LAMA3: variants seen among roughly 807,000 people sequenced by gnomAD.
LAMA3 encodes the protein laminin subunit alpha-3.
Under a neutral mutation model 402.0 loss-of-function variants are expected in LAMA3, and 281 were observed. That is an observed-to-expected ratio of 0.70 (90% CI 0.63 to 0.77). LAMA3 has a LOEUF of 0.77. Ranked by LOEUF, LAMA3 falls within the 30% of genes least tolerant of loss-of-function variation. The probability of loss-of-function intolerance (pLI) is 0.00; values close to 1 mark genes in which losing one functional copy is unlikely to be tolerated. For missense variants in LAMA3, 3,840 were observed against 4,215.5 expected (o/e 0.91, Z 2.47); for synonymous variants, 1,431 against 1,558.4 (o/e 0.92, Z 1.93).
chr18:23,751,824 T>C (rs895158117), intron 5 of LAMA3, among the ~76,000 whole-genome samples: 2 of 152,134 alleles, frequency 1.3e-5, no homozygotes, highest in African/African-American at 4.8e-5. Context: ...AATAAACACA[T>C]TGAGCTCACT....
rs1463156748 is a variant in LAMA3 at position 23,842,750 on chromosome 18, G to T, written c.3603G>T (p.Leu1201Phe). 23 of 1,614,150 alleles carry T rather than the reference G, an allele frequency of 1.4e-5. No homozygotes were observed. In the East Asian group the frequency reaches 5.1e-4, roughly 36 times the overall value. The change falls in exon 29 of 75, where the codon TTG (leucine) becomes TTT (phenylalanine). Residue 1201 changes from leucine (L) to phenylalanine (F), a missense_variant and splice_region_variant. Transcript: ENST00000313654. ...VKVPEGKSLV[L>F]VRVLVVPAEN... ...TTCCAGAAGGAAAGTCCTTGGTTTTGGTGCGTTCCACTCGTTCCTCAACTT... is the reference window on the plus strand; with the variant it reads ...TTCCAGAAGGAAAGTCCTTGGTTTTTGTGCGTTCCACTCGTTCCTCAACTT...
chr18:23,898,876 G>C, intron 45 of LAMA3, 28 bp downstream of exon 45: 1 of 1,568,114 alleles, frequency 6.4e-7, no homozygotes, highest in Non-Finnish European at 8.8e-7. Flanking sequence ...TTTAACTTTG[G>C]GGTTTTTTTG....
intron 50 of LAMA3, 138 bp from the exon 51 acceptor site, chr18:23,904,415 A>G (rs2081173248): frequency 9.3e-7 from 1 of 1,074,902 alleles, no homozygotes; most frequent in African/African-American, 1.6e-5. Flanking sequence ...CCATCTCTTT[A>G]TTTTATTTTG....
In LAMA3 at chr18:23,765,737, TAATA is replaced by T. The variant is rs532931464; in HGVS notation, c.1182+2219_1182+2222del. Reference sequence around the variant, plus strand: ...AATATAGTCACAATGAATGAAAAGATAATAAATATCAGTAGGGAAATAAAAACTG... The same window carrying T: ...AATATAGTCACAATGAATGAAAAGATAATATCAGTAGGGAAATAAAAACTG... On this transcript the variant is annotated intron_variant, in intron 8 of 74. Transcript: ENST00000313654. 7.4e-4 allele frequency among the ~76,000 whole-genome samples: 112 copies of T among 152,204 alleles called. 1 individual carries two copies. The highest frequency in any genetic ancestry group is 2.4e-3 in the African/African-American group (99 of 41,552).
intron 1 of LAMA3, among the ~76,000 whole-genome samples, chr18:23,703,323 G>T (rs571233826): frequency 2.6e-5 from 4 of 152,140 alleles, no homozygotes; most frequent in African/African-American, 7.2e-5. Flanking sequence ...CGTAAGATAG[G>T]CAGTATTAAC....
intron 12 of LAMA3, among the ~76,000 whole-genome samples, chr18:23,800,865 C>G (rs112270961): frequency 1.3e-5 from 2 of 152,126 alleles, no homozygotes; most frequent in African/African-American, 4.8e-5. Context: ...GGATTTCATT[C>G]ATTTTTATGG....
In LAMA3 at chr18:23,819,977, G is replaced by C; in HGVS notation, c.2284G>C (p.Ala762Pro). The C allele has an allele frequency of 6.2e-7, 1 of 1,614,140 alleles. No homozygotes were observed. The highest frequency in any genetic ancestry group is 1.7e-5 in the Admixed American group (1 of 60,022). ...TCCTGAGTTTAGCTGGAGAGGATAT[G>C]CCCAAATGACCTCAGTACAGGTACG... ...AFPEFSWRGYAQMTSVQNDVR... is the reference protein window; with the variant it reads ...AFPEFSWRGYPQMTSVQNDVR... The change falls in exon 19 of 75, where the codon GCC becomes CCC. Residue 762 changes from alanine (A) to proline (P), a missense_variant. Transcript: ENST00000313654.
chr18:23,789,917 A>G (rs539476707), intron 12 of LAMA3, among the ~76,000 whole-genome samples: 2 of 152,310 alleles, frequency 1.3e-5, no homozygotes, highest in South Asian at 4.1e-4. Flanking sequence ...CTCCCCAGAC[A>G]CTTGTCAGCC....
chr18:23,754,715 G>A (rs1355812765), intron 6 of LAMA3, among the ~76,000 whole-genome samples: 2 of 152,188 alleles, frequency 1.3e-5, no homozygotes, highest in Non-Finnish European at 2.9e-5. Context: ...AAATGTTGAG[G>A]TTCAGCCATA....
chr18:23,713,998 C>A lies in LAMA3; in HGVS notation c.373C>A (p.Arg125Ser), dbSNP rs199850975. 1.2e-6 allele frequency: 2 copies of A among 1,613,566 alleles called. No individual in the cohort carries two copies. Among genetic ancestry groups the A allele is most frequent in the East Asian group, 2.2e-5 (1 of 44,866 alleles). ...PVTNAIDGSERWWQSPPLSSG... is the reference protein window; with the variant it reads ...PVTNAIDGSESWWQSPPLSSG... The stretch of plus-strand genomic sequence containing the variant: ...CACCAATGCCATCGATGGATCTGAA[C>A]GTTGGTGGCAAAGCCCTCCCCTGTC... Residue 125 changes from arginine to serine, a missense_variant, in exon 2 of 75, where the codon CGT (arginine) becomes AGT (serine). Arg to Ser is a moderately radical substitution (Grantham distance 110). Transcript: ENST00000313654.
At chr18:23,761,690 C>A (rs1445549733) in intron 7 of LAMA3, among the ~76,000 whole-genome samples, 1 of 152,006 alleles carries the variant, frequency 6.6e-6, no homozygotes, top group African/African-American at 2.4e-5. Context: ...GTTTAATTGG[C>A]ATTTGGATGT....
intron 38 of LAMA3, chr18:23,873,353 C>T (rs2064596196): frequency 2.4e-6 from 2 of 829,540 alleles, no homozygotes; most frequent in Non-Finnish European, 4.2e-6. Context: ...CCTTGACTGG[C>T]AGTGTTTATT....
Position 23,861,689 on chromosome 18 carries a change from T to C in LAMA3, c.4466T>C (p.Val1489Ala). 6.2e-7 allele frequency: 1 copy of C among 1,614,052 alleles called. No homozygotes were observed. The highest frequency in any genetic ancestry group is 8.5e-7 in the Non-Finnish European group (1 of 1,179,982). Residue 1489 changes from valine to alanine, a missense_variant, in exon 35 of 75, where the codon GTG (valine) becomes GCG (alanine). Physicochemically the swap from Val to Ala is moderately conservative, Grantham distance 64. Coordinates refer to ENST00000313654, the MANE Select transcript of LAMA3 (RefSeq NM_198129.4). ...TGGCACCTGGAGACAGCAGACAGAG[T>C]GGACATCCCTGTCTCTTTCAACCCA... ...LGWHLETADR[V>A]DIPVSFNPGS...
At chr18:23,782,810 T>C (rs2062463218) in intron 11 of LAMA3, among the ~76,000 whole-genome samples, 1 of 151,764 alleles carries the variant, frequency 6.6e-6, no homozygotes, top group Non-Finnish European at 1.5e-5. Context: ...TTTTTTTTTT[T>C]TCATCTATAA....
chr18:23,886,854 T>C (rs1246035710), intron 41 of LAMA3, among the ~76,000 whole-genome samples: 1 of 152,046 alleles, frequency 6.6e-6, no homozygotes, highest in African/African-American at 2.4e-5. Flanking sequence ...AGCCAGAAGA[T>C]GGAAGTGGGA....
intron 64 of LAMA3, among the ~76,000 whole-genome samples, chr18:23,929,336 G>A (rs914110537): frequency 3.9e-5 from 6 of 152,244 alleles, no homozygotes; most frequent in Non-Finnish European, 5.9e-5. Context: ...GTGTGGTTAT[G>A]TAGATACAGA....
chr18:23,733,041 TG>T (rs1439076250), intron 2 of LAMA3, among the ~76,000 whole-genome samples: 2 of 152,058 alleles, frequency 1.3e-5, no homozygotes, highest in Non-Finnish European at 2.9e-5. Context: ...TTCCTCAAGC[TG>T]AAGAATCCCA....
In LAMA3 at chr18:23,763,514, T is replaced by C; in HGVS notation, c.1173T>C (p.Ile391=). The C allele has an allele frequency of 6.3e-7, 1 of 1,591,088 alleles. No homozygotes were observed. The highest frequency in any genetic ancestry group is 8.6e-7 in the Non-Finnish European group (1 of 1,159,040). The change falls in exon 8 of 75, where the codon ATT becomes ATC. Residue 391 remains isoleucine, a synonymous_variant. Transcript: ENST00000313654. ...QGIYAGGGVC[I]NCQHNTAGVN... is the part of the protein sequence containing the mutation. The stretch of plus-strand genomic sequence containing the variant: ...TCTATGCTGGTGGAGGGGTCTGCAT[T>C]AACTGTCAGGTGAGGCACTATTTAA...
chr18:23,871,393 G>A (rs1440546398), intron 37 of LAMA3, 38 bp from the exon 38 acceptor site: 5 of 1,579,138 alleles, frequency 3.2e-6, no homozygotes, highest in Non-Finnish European at 4.4e-6. Context: ...AAGTGAGCCT[G>A]CCTAAGGAAG....
Sources: gnomAD v4.1 joint callset for allele counts (sites outside exome capture counted in the v4.1 genomes callset) on GRCh38, gnomAD v4.1.1 for gene constraint, MANE v1.5 for transcripts, NCBI Gene and HGNC (gene_info 2026-07-23, HGNC 2026-07-21) for gene names.